Variants in SIK3 observed in about 807,000 individuals in gnomAD.
SIK3 encodes the protein serine/threonine-protein kinase SIK3.
SIK3 carries 28 observed loss-of-function variants against 144.2 expected under a neutral mutation model. The observed-to-expected ratio is 0.19, with a 90% confidence interval of 0.14 to 0.27. The LOEUF (loss-of-function observed/expected upper bound fraction) is 0.27. Among genes scored for constraint, SIK3 ranks in the 10% least tolerant of loss-of-function variants. The pLI is 1.00. For missense variants in SIK3, 1,319 were observed against 1,776.0 expected, an observed-to-expected ratio of 0.74 and a Z score of 4.62; for synonymous variants, 686 against 676.3, an observed-to-expected ratio of 1.01 and a Z score of -0.22.
intron 4 of SIK3, among the ~76,000 whole-genome samples, chr11:116,901,947 G>A (rs534587181): frequency 3.3e-5 from 5 of 152,296 alleles, no homozygotes; most frequent in South Asian, 2.1e-4. Context: ...CAAAGTTGAC[G>A]TCTCTGGGAA....
intron 1 of SIK3, among the ~76,000 whole-genome samples, chr11:117,074,768 CA>C (rs1050306513): frequency 1.3e-5 from 2 of 149,592 alleles, no homozygotes; most frequent in East Asian, 2.0e-4. Context: ...ACTAAAAATA[CA>C]AAAAAAAATT....
At chr11:116,961,902 G>A (rs987814431) in intron 1 of SIK3, among the ~76,000 whole-genome samples, 1 of 152,062 alleles carries the variant, frequency 6.6e-6, no homozygotes, top group African/African-American at 2.4e-5. Context: ...ATTAAATTTA[G>A]ATCATGCCAA....
At position 116,948,368 on chromosome 11, in the gene SIK3, C is replaced by T. The variant is rs563263098; in HGVS notation, c.454+5676G>A. Among the ~76,000 whole-genome samples, 9 of 152,198 alleles carry T rather than the reference C, an allele frequency of 5.9e-5. No homozygotes were observed. In the East Asian group the frequency reaches 1.4e-3, roughly 23 times the overall value. On this transcript the variant is annotated intron_variant, in intron 3 of 24. Coordinates refer to ENST00000445177, the MANE Select transcript of SIK3 (RefSeq NM_001366686.3). ...TCATGGCTCACTGCAGCCTTGACAT[C>T]CTGGGCTCAAGTGATCCTCCTGCCT...
chr11:116,854,747 A>T (rs993148483), intron 21 of SIK3, among the ~76,000 whole-genome samples: 8 of 152,136 alleles, frequency 5.3e-5, no homozygotes, highest in Admixed American at 6.5e-5. Flanking sequence ...ACAGCAAATT[A>T]TCTGATGATT....
At chr11:116,957,089 C>T (rs1401052582) in intron 1 of SIK3, 25 bp from the exon 2 acceptor site, 2 of 1,368,822 alleles carry the variant, frequency 1.5e-6, no homozygotes, top group East Asian at 2.4e-5. Flanking sequence ...AAAAAAATTA[C>T]TCTGATGCAT....
At chr11:117,043,117 G>A (rs1032235405) in intron 1 of SIK3, among the ~76,000 whole-genome samples, 7 of 152,026 alleles carry the variant, frequency 4.6e-5, no homozygotes, top group African/African-American at 1.4e-4. Flanking sequence ...TTGACTTGAT[G>A]AGCTTCTCTA....
chr11:117,033,266 C>T (rs550647497), intron 1 of SIK3, among the ~76,000 whole-genome samples: 2 of 152,290 alleles, frequency 1.3e-5, no homozygotes, highest in Non-Finnish European at 2.9e-5. Flanking sequence ...CTATCAGTGA[C>T]AATATAAGTG....
intron 21 of SIK3, among the ~76,000 whole-genome samples, chr11:116,856,708 C>A (rs1942954799): frequency 6.6e-6 from 1 of 152,184 alleles, no homozygotes; most frequent in Non-Finnish European, 1.5e-5. Flanking sequence ...AACAATTCCC[C>A]CCTAAGAGCG....
Position 116,867,750 on chromosome 11 carries a change from G to A in SIK3, c.1952+196C>T, listed in dbSNP as rs1565383937. The stretch of plus-strand genomic sequence containing the variant: ...CAAGGTAATGGGAGAGAGGAATCTC[G>A]CATTGCTCCAGGGCGCAGTAAAAAA... On this transcript the variant is annotated intron_variant, in intron 15 of 24. Transcript: ENST00000445177. The surrounding 1 kb of genome is among the most constrained non-coding windows in gnomAD (Gnocchi z 4.1). 1.6e-5 allele frequency: 7 copies of A among 444,538 alleles called. No individual in the cohort carries two copies. Among genetic ancestry groups the A allele is most frequent in the South Asian group, 6.0e-5 (1 of 16,560 alleles). 27.5% of individuals were successfully genotyped at this position (444,538 alleles called of 1,614,324 possible).
In SIK3 at chr11:116,927,240, T is replaced by C. The variant is rs781059016; in HGVS notation, c.595A>G (p.Asn199Asp). Residue 199 changes from asparagine to aspartate, a missense_variant, in exon 4 of 25, where the codon AAT becomes GAT. Transcript: ENST00000445177. Reference protein sequence around the residue: ...LKAENLLLDANLNIKIADFGF... With the variant: ...LKAENLLLDADLNIKIADFGF... The stretch of plus-strand genomic sequence containing the variant: ...TCACCTGCTATTTTGATATTCAGAT[T>C]GGCATCCAGAAGTAAATTTTCAGCT... 3.1e-6 allele frequency: 5 copies of C among 1,613,874 alleles called. No homozygotes were observed. In the Admixed American group the frequency reaches 8.3e-5, roughly 27 times the overall value.
chr11:117,039,381 C>T (rs769495185), intron 1 of SIK3, among the ~76,000 whole-genome samples: 22 of 152,318 alleles, frequency 1.4e-4, no homozygotes, highest in Non-Finnish European at 2.4e-4. Flanking sequence ...TCCCATAGTG[C>T]TGGGATCACA....
At chr11:117,090,484 G>A (rs1955195002) in intron 1 of SIK3, among the ~76,000 whole-genome samples, 1 of 151,988 alleles carries the variant, frequency 6.6e-6, no homozygotes, top group Non-Finnish European at 1.5e-5. Flanking sequence ...CTCTTAATGA[G>A]TTATAAGATG....
At chr11:116,989,972 T>C (rs1950447178) in intron 1 of SIK3, among the ~76,000 whole-genome samples, 1 of 152,140 alleles carries the variant, frequency 6.6e-6, no homozygotes, top group Non-Finnish European at 1.5e-5. Context: ...TTTTATTATA[T>C]AGGATCCAAG....
At chr11:116,916,962 G>T (rs915114847) in intron 4 of SIK3, among the ~76,000 whole-genome samples, 10 of 150,438 alleles carry the variant, frequency 6.6e-5, no homozygotes, top group African/African-American at 2.2e-4. Flanking sequence ...AAATTTTATT[G>T]TTTTTTTTAA....
intron 1 of SIK3, among the ~76,000 whole-genome samples, chr11:117,023,508 T>C (rs1013456105): frequency 1.1e-4 from 16 of 149,026 alleles, no homozygotes; most frequent in African/African-American, 4.0e-4. Context: ...TGGGCTCAAG[T>C]GATCCTCTAG....
chr11:116,938,617 GGAGGGGAGGAGAGGAGAGGAGAGGA>G (rs1565476105), intron 3 of SIK3, among the ~76,000 whole-genome samples: 62 of 28,994 alleles, frequency 2.1e-3, no homozygotes, highest in Middle Eastern at 0.05. Flanking sequence ...AGAGGAGAGG[GGAGGGGAGGAGAGGAGAGGAGAGGA>G]GAGGAGAGGA....
chr11:116,999,016 G>A (rs910192100), intron 1 of SIK3, among the ~76,000 whole-genome samples: 1 of 152,056 alleles, frequency 6.6e-6, no homozygotes, highest in Non-Finnish European at 1.5e-5. Flanking sequence ...CAAGAACAAA[G>A]GTATATAAAA....
chr11:116,924,292 T>A (rs1947158347), intron 4 of SIK3, among the ~76,000 whole-genome samples: 1 of 142,538 alleles, frequency 7.0e-6, no homozygotes, highest in African/African-American at 2.7e-5. Context: ...TGAGACTCCA[T>A]CTCAAAAAAA....
intron 23 of SIK3, 129 bp downstream of exon 23, chr11:116,847,347 A>C: frequency 2.3e-6 from 3 of 1,326,418 alleles, no homozygotes; most frequent in Non-Finnish European, 3.2e-6. Flanking sequence ...GGCTGTGTCC[A>C]GAACCTGTGG....
Sources: gnomAD v4.1 joint callset for allele counts (sites outside exome capture counted in the v4.1 genomes callset) on GRCh38, gnomAD v4.1.1 for gene constraint, Gnocchi (gnomAD v3.1) non-coding constraint, MANE v1.5 for transcripts, NCBI Gene and HGNC (gene_info 2026-07-23, HGNC 2026-07-21) for gene names.